The following CTDSPL variants were observed in gnomAD, a reference collection of about 807,000 sequenced individuals.
CTDSPL encodes CTD small phosphatase like.
A neutral mutation model predicts 30.5 loss-of-function variants in CTDSPL; 8 were observed. That is an observed-to-expected ratio of 0.26 (90% CI 0.15 to 0.47). The LOEUF (loss-of-function observed/expected upper bound fraction) is 0.47, where lower values mean the gene tolerates loss of function less well. CTDSPL is among the 20% of genes least tolerant of loss of function. The pLI is 0.99. For synonymous variants in CTDSPL, 110 were observed against 137.9 expected (o/e 0.80, Z 1.42); for missense variants, 248 against 366.1 (o/e 0.68, Z 2.63).
chr3:37,922,809 A>G (rs981485887), intron 1 of CTDSPL, among the ~76,000 whole-genome samples: 2 of 152,114 alleles, frequency 1.3e-5, no homozygotes, highest in Non-Finnish European at 2.9e-5. Flanking sequence ...GGGCCTTGCC[A>G]CTCCTGGTCT....
At chr3:37,973,129 C>T (rs1260263374) in intron 6 of CTDSPL, among the ~76,000 whole-genome samples, 3 of 152,216 alleles carry the variant, frequency 2.0e-5, no homozygotes, top group African/African-American at 7.2e-5. Flanking sequence ...ATTCAAAATC[C>T]TCGTCCTTAT....
intron 1 of CTDSPL, among the ~76,000 whole-genome samples, chr3:37,921,173 G>C (rs1050706304): frequency 6.6e-6 from 1 of 152,212 alleles, no homozygotes; most frequent in African/African-American, 2.4e-5. Context: ...CTGGCAGCGG[G>C]CAGCACAGGG....
At chr3:37,880,177 A>G (rs1252513215) in intron 1 of CTDSPL, among the ~76,000 whole-genome samples, 1 of 150,738 alleles carries the variant, frequency 6.6e-6, no homozygotes, top group East Asian at 1.9e-4. Flanking sequence ...CAAAAGCCTT[A>G]AGATATAGGT....
chr3:37,896,573 G>A (rs1310918693), intron 1 of CTDSPL, among the ~76,000 whole-genome samples: 1 of 152,120 alleles, frequency 6.6e-6, no homozygotes, highest in Non-Finnish European at 1.5e-5. Flanking sequence ...GTCTTGCTTT[G>A]TTGCCCAGGC....
intron 1 of CTDSPL, among the ~76,000 whole-genome samples, chr3:37,863,915 G>T (rs574614346): frequency 2.6e-5 from 4 of 152,288 alleles, no homozygotes; most frequent in African/African-American, 9.6e-5. Flanking sequence ...ATTTTTCTGT[G>T]CCTTTCAGAT....
At chr3:37,868,989 T>C (rs1698043072) in intron 1 of CTDSPL, among the ~76,000 whole-genome samples, 1 of 152,140 alleles carries the variant, frequency 6.6e-6, no homozygotes, top group African/African-American at 2.4e-5. Flanking sequence ...TGTATCAATT[T>C]GAGGAGAACT....
At chr3:37,914,354 A>G (rs978812677) in intron 1 of CTDSPL, among the ~76,000 whole-genome samples, 1 of 151,836 alleles carries the variant, frequency 6.6e-6, no homozygotes, top group South Asian at 2.1e-4. Flanking sequence ...TTCCCTATAT[A>G]TTTTTTCCCT....
At chr3:37,946,284 A>G (rs900005102) in intron 1 of CTDSPL, among the ~76,000 whole-genome samples, 1 of 152,178 alleles carries the variant, frequency 6.6e-6, no homozygotes, top group Non-Finnish European at 1.5e-5. Flanking sequence ...AACAGAAAGG[A>G]TGTGTCACTC....
At chr3:37,882,956 TG>T (rs1219000050) in intron 1 of CTDSPL, among the ~76,000 whole-genome samples, 1 of 152,216 alleles carries the variant, frequency 6.6e-6, no homozygotes, top group Non-Finnish European at 1.5e-5. Context: ...AAGTTGGTTT[TG>T]TGTAGTGCTC....
chr3:37,949,613 A>G (rs1699085737), intron 2 of CTDSPL, among the ~76,000 whole-genome samples: 1 of 152,218 alleles, frequency 6.6e-6, no homozygotes, highest in Non-Finnish European at 1.5e-5. Context: ...GTTATCTCCT[A>G]TTGCTCACAC....
At chr3:37,934,054 G>T (rs1227357790) in intron 1 of CTDSPL, among the ~76,000 whole-genome samples, 2 of 152,196 alleles carry the variant, frequency 1.3e-5, no homozygotes, top group African/African-American at 2.4e-5. Context: ...TAGGTGTGGT[G>T]CTCAGGTCTG....
chr3:37,889,162 T>A (rs1206035527), intron 1 of CTDSPL, among the ~76,000 whole-genome samples: 1 of 152,204 alleles, frequency 6.6e-6, no homozygotes, highest in African/African-American at 2.4e-5. Context: ...CAGGGAGGCC[T>A]TAGCTAGCTG....
chr3:37,911,859 G>C, intron 1 of CTDSPL: 1 of 371,252 alleles, frequency 2.7e-6, no homozygotes, highest in Non-Finnish European at 5.5e-6. Flanking sequence ...GGGGGTTTGA[G>C]ACCAACCTGG....
rs1156236841 is a variant in CTDSPL, at chr3:37,862,632, G to A, written c.79+354G>A. ...GTATGTGTGTGTGCACACGCGGACAGAGTGATTGTAAGGATATGTGTGCAC... is the reference window on the plus strand; with the variant it reads ...GTATGTGTGTGTGCACACGCGGACAAAGTGATTGTAAGGATATGTGTGCAC... On this transcript the variant is annotated intron_variant, in intron 1 of 7. Transcript: ENST00000273179. The surrounding 1 kb of genome is among the most constrained non-coding windows in gnomAD (Gnocchi z 4.3). 2.0e-5 allele frequency among the ~76,000 whole-genome samples: 3 copies of A among 152,248 alleles called. No individual in the cohort carries two copies. The highest frequency in any genetic ancestry group is 2.9e-5 in the Non-Finnish European group (2 of 68,036).
At chr3:37,877,351 A>G (rs1178742200) in intron 1 of CTDSPL, among the ~76,000 whole-genome samples, 1 of 152,170 alleles carries the variant, frequency 6.6e-6, no homozygotes, top group Admixed American at 6.5e-5. Flanking sequence ...GTGGAATCAT[A>G]CAGTATTTTT....
At chr3:37,937,055 T>C (rs1698924825) in intron 1 of CTDSPL, among the ~76,000 whole-genome samples, 1 of 150,206 alleles carries the variant, frequency 6.7e-6, no homozygotes, top group Non-Finnish European at 1.5e-5. Context: ...GCAGATTTTA[T>C]TGAAAACTGT....
intron 1 of CTDSPL, among the ~76,000 whole-genome samples, chr3:37,865,605 C>T (rs140371424): frequency 0.011 from 1,601 of 152,282 alleles, 34 homozygotes; most frequent in South Asian, 0.078. Flanking sequence ...GTTTATTCTT[C>T]CCACATAATA....
chr3:37,966,666 AGTGCTTAGTAACG>A (rs1334824429), intron 4 of CTDSPL, among the ~76,000 whole-genome samples: 1 of 152,216 alleles, frequency 6.6e-6, no homozygotes, highest in Non-Finnish European at 1.5e-5. Context: ...TCATAAGCTA[AGTGCTTAGTAACG>A]GTGCTATGAC....
intron 1 of CTDSPL, among the ~76,000 whole-genome samples, chr3:37,906,508 G>A (rs1698517334): frequency 6.6e-6 from 1 of 152,162 alleles, no homozygotes; most frequent in African/African-American, 2.4e-5. Flanking sequence ...ATCTTTTCCA[G>A]CTCTGAAAAA....
Sources: gnomAD v4.1 joint callset for allele counts (sites outside exome capture counted in the v4.1 genomes callset) on GRCh38, gnomAD v4.1.1 for gene constraint, Gnocchi (gnomAD v3.1) non-coding constraint, MANE v1.5 for transcripts, NCBI Gene and HGNC (gene_info 2026-07-23, HGNC 2026-07-21) for gene names.